Variants in PALLD observed in about 807,000 individuals in gnomAD.
PALLD encodes palladin.
In PALLD, 61 loss-of-function variants were observed where a neutral mutation model predicts 123.5. The ratio of observed to expected loss-of-function variants is 0.49; its 90% CI spans 0.40 to 0.61. The LOEUF (loss-of-function observed/expected upper bound fraction) is 0.61. PALLD is among the 20% of genes least tolerant of loss of function. The pLI, the probability that PALLD is intolerant of heterozygous loss-of-function variation, is 0.00. For synonymous variants in PALLD, 465 were observed against 496.4 expected (o/e 0.94, Z 0.84); for missense variants, 1,273 against 1,377.0 (o/e 0.92, Z 1.20).
At position 168,888,005 on chromosome 4, in the gene PALLD, G is replaced by A. The variant is rs114635829; in HGVS notation, c.1965-2917G>A. ...ATCAGGAAAACAACTAATGGGACAA[G>A]CTTAGTCAGGGACATCCTTTCCAAG... On this transcript the variant is annotated intron_variant, in intron 10 of 21. Transcript: ENST00000505667. Among the ~76,000 whole-genome samples, 359 of 152,258 alleles carry A rather than the reference G, an allele frequency of 2.4e-3. 2 individuals are homozygous for A. Among genetic ancestry groups the A allele is most frequent in the Non-Finnish European group, 4.2e-3 (288 of 68,026 alleles).
intron 15 of PALLD, among the ~76,000 whole-genome samples, chr4:168,913,703 A>G (rs1759518567): frequency 6.6e-6 from 1 of 152,052 alleles, no homozygotes; most frequent in African/African-American, 2.4e-5. Context: ...AAGAGTTCCA[A>G]AAAAAGACCT....
At position 168,816,048 on chromosome 4, in the gene PALLD, A is replaced by G. The variant is rs972682209; in HGVS notation, c.1965-74874A>G. ...GTGGATGATGTGTTTATTTGACATA[A>G]TGAATACCACCATCCGCTTTGTTCC... is the stretch of plus-strand genomic sequence containing the variant. On this transcript the variant is annotated intron_variant, in intron 10 of 21. Coordinates refer to ENST00000505667, the MANE Select transcript of PALLD (RefSeq NM_001166108.2). 2.0e-5 allele frequency among the ~76,000 whole-genome samples: 3 copies of G among 152,302 alleles called. No homozygotes were observed. The South Asian group carries it at 6.2e-4, about 32-fold the overall frequency.
chr4:168,561,872 T>TG (rs1466528124), intron 2 of PALLD, among the ~76,000 whole-genome samples: 8 of 152,044 alleles, frequency 5.3e-5, no homozygotes, highest in Middle Eastern at 3.4e-3. Flanking sequence ...GGAATGTCCG[T>TG]GGGAAAAAAA....
chr4:168,925,216 T>G lies in PALLD; in HGVS notation c.3359-17T>G, dbSNP rs369170563. 1.6e-5 allele frequency: 25 copies of G among 1,601,414 alleles called. No individual in the cohort carries two copies. The African/African-American group carries it at 2.8e-4, about 18-fold the overall frequency. On this transcript the variant is annotated splice_polypyrimidine_tract_variant and intron_variant, in intron 20 of 21. Coordinates refer to ENST00000505667, the MANE Select transcript of PALLD (RefSeq NM_001166108.2). ...TCAAAAAAATTCATATTGCTCTCTC[T>G]CTCTTTCTATTTGTAGTTTCTCGAC...
At chr4:168,693,133 A>G (rs1782794067) in intron 8 of PALLD, among the ~76,000 whole-genome samples, 1 of 149,100 alleles carries the variant, frequency 6.7e-6, no homozygotes. Flanking sequence ...CTTACCCTAC[A>G]TACACTCCTT....
Position 168,683,031 on chromosome 4 carries a change from A to G in PALLD, c.1188A>G (p.Thr396=). The G allele has an allele frequency of 1.9e-6, 3 of 1,612,584 alleles. No individual in the cohort carries two copies. Among genetic ancestry groups the G allele is most frequent in the Non-Finnish European group, 1.7e-6 (2 of 1,178,638 alleles). The change falls in exon 5 of 22, where the codon ACA becomes ACG. Residue 396 remains threonine (T), a synonymous_variant. Coordinates refer to ENST00000505667, the MANE Select transcript of PALLD (RefSeq NM_001166108.2). ...AGAAAACAACTTCTGTTTCCTTGAC[A>G]ATAGGATCATCATCTCCAAAGACAG... The part of the protein sequence containing the change: ...AQKKTTSVSL[T]IGSSSPKTGV...
chr4:168,533,765 G>A (rs1661821834), intron 2 of PALLD, among the ~76,000 whole-genome samples: 1 of 152,146 alleles, frequency 6.6e-6, no homozygotes, highest in Non-Finnish European at 1.5e-5. Flanking sequence ...GCCTGCACCA[G>A]GGGAAACTGA....
chr4:168,792,443 C>A (rs1399951236), intron 10 of PALLD, among the ~76,000 whole-genome samples: 2 of 152,052 alleles, frequency 1.3e-5, no homozygotes, highest in Non-Finnish European at 2.9e-5. Context: ...CCTCCCGTGT[C>A]CCCCACTCTG....
At chr4:168,563,338 A>C (rs1030953584) in intron 2 of PALLD, among the ~76,000 whole-genome samples, 17 of 152,320 alleles carry the variant, frequency 1.1e-4, no homozygotes, top group Middle Eastern at 3.4e-3. Context: ...CTTTTCTGCT[A>C]GGAAATGAGA....
chr4:168,605,534 C>T (rs1250684665), intron 2 of PALLD, among the ~76,000 whole-genome samples: 2 of 152,090 alleles, frequency 1.3e-5, no homozygotes, highest in Non-Finnish European at 2.9e-5. Flanking sequence ...AAGACAGGCC[C>T]ATGTTGAAGC....
In PALLD at chr4:168,586,153, TAAAAAA is replaced by T. The variant is rs35474736; in HGVS notation, c.908+73761_908+73766del. Among the ~76,000 whole-genome samples the T allele has an allele frequency of 1.9e-4, 14 of 75,532 alleles. No individual in the cohort carries two copies. In the East Asian group the frequency reaches 5.5e-3, roughly 30 times the overall value. The allele number at this position is 75,532 out of a possible 152,430, so 49.6% of individuals were successfully genotyped here. On this transcript the variant is annotated intron_variant, in intron 2 of 21. Coordinates refer to ENST00000505667, the MANE Select transcript of PALLD (RefSeq NM_001166108.2). ...CGCTTCTCCAGGTCCTCAAGAGACC[TAAAAAA>T]AAAAAAAAAAAAAAAAAAAGGCTTT...
intron 10 of PALLD, among the ~76,000 whole-genome samples, chr4:168,778,972 G>A (rs1735534931): frequency 6.6e-6 from 1 of 152,186 alleles, no homozygotes; most frequent in Non-Finnish European, 1.5e-5. Context: ...AAGAGGTCCT[G>A]CTCTAAACAC....
chr4:168,512,520 G>A, intron 2 of PALLD, 108 bp downstream of exon 2: 5 of 1,049,028 alleles, frequency 4.8e-6, no homozygotes, highest in Non-Finnish European at 7.2e-6. Context: ...GGAGACTGAG[G>A]TAGAGTACTT....
chr4:168,924,843 T>C, intron 19 of PALLD, 102 bp from the exon 20 acceptor site: 2 of 1,186,976 alleles, frequency 1.7e-6, no homozygotes, highest in South Asian at 2.5e-5. Context: ...TATCAGCTAC[T>C]TGCACAATTC....
intron 2 of PALLD, among the ~76,000 whole-genome samples, chr4:168,595,417 G>C (rs1035878294): frequency 2.6e-5 from 4 of 151,950 alleles, no homozygotes. Flanking sequence ...GGGGCCCAGG[G>C]GTCTTCTTTC....
rs1263751006 is a variant in PALLD, at chr4:168,878,042, C to T, written c.1965-12880C>T. On this transcript the variant is annotated intron_variant, in intron 10 of 21. Coordinates refer to ENST00000505667, the MANE Select transcript of PALLD (RefSeq NM_001166108.2). ...CTCCAGCCCCAGCTCGTCCAGCCTC[C>T]CGTCGCCCATGTCCCCGACGCCGAG... 2 of 1,487,008 alleles carry T rather than the reference C, an allele frequency of 1.3e-6. No homozygotes were observed. Among genetic ancestry groups the T allele is most frequent in the East Asian group, 2.9e-5 (1 of 34,942 alleles). The allele number at this position is 1,487,008 out of a possible 1,614,324, so 92.1% of individuals were successfully genotyped here.
At chr4:168,853,453 T>C (rs1010429838) in intron 10 of PALLD, among the ~76,000 whole-genome samples, 4 of 152,052 alleles carry the variant, frequency 2.6e-5, no homozygotes, top group East Asian at 3.9e-4. Context: ...ATAAAAGACA[T>C]GTAAGGAGTG....
chr4:168,914,445 C>A (rs1759690047), intron 16 of PALLD, among the ~76,000 whole-genome samples: 1 of 152,158 alleles, frequency 6.6e-6, no homozygotes, highest in Non-Finnish European at 1.5e-5. Flanking sequence ...TGTTAATGTT[C>A]ATTTTTCAGC....
chr4:168,671,485 G>T (rs899861863), intron 3 of PALLD, among the ~76,000 whole-genome samples: 2 of 152,168 alleles, frequency 1.3e-5, no homozygotes, highest in Non-Finnish European at 1.5e-5. Flanking sequence ...ACTATAGATA[G>T]ATCGTATGTG....
Sources: gnomAD v4.1 joint callset for allele counts (sites outside exome capture counted in the v4.1 genomes callset) on GRCh38, gnomAD v4.1.1 for gene constraint, MANE v1.5 for transcripts, NCBI Gene and HGNC (gene_info 2026-07-23, HGNC 2026-07-21) for gene names.